DLEU7: variants seen among roughly 807,000 people sequenced by gnomAD.
DLEU7 encodes the protein leukemia-associated protein 7.
A neutral mutation model predicts 16.0 loss-of-function variants in DLEU7; 17 were observed. That is an observed-to-expected ratio of 1.06 (90% CI 0.73 to 1.59). The LOEUF (loss-of-function observed/expected upper bound fraction) is 1.59, where lower values mean the gene tolerates loss of function less well. DLEU7 is among the 40% of genes most tolerant of loss of function. The probability of loss-of-function intolerance (pLI) is 0.00; values close to 1 mark genes in which losing one functional copy is unlikely to be tolerated. For synonymous variants in DLEU7, 113 were observed against 139.8 expected (o/e 0.81, Z 1.35); for missense variants, 308 against 314.9 (o/e 0.98, Z 0.17).
intron 1 of DLEU7, among the ~76,000 whole-genome samples, chr13:50,807,001 C>T (rs1011594476): frequency 7.6e-6 from 1 of 131,212 alleles, no homozygotes; most frequent in Admixed American, 7.8e-5. Flanking sequence ...AAAAAAAAGT[C>T]GGTCTGCTCC....
At chr13:50,770,386 C>T (rs1166792902) in intron 1 of DLEU7, among the ~76,000 whole-genome samples, 1 of 152,276 alleles carries the variant, frequency 6.6e-6, no homozygotes, top group Admixed American at 6.5e-5. Context: ...TTTGCCCATT[C>T]AGTATGATAT....
Position 50,797,564 on chromosome 13 carries a change from T to G in DLEU7, c.459+45624A>C, listed in dbSNP as rs192510973. 1.3e-4 allele frequency among the ~76,000 whole-genome samples: 20 copies of G among 152,326 alleles called. No individual in the cohort carries two copies. In the East Asian group the frequency reaches 2.3e-3, roughly 18 times the overall value. ...GTAGATGTTAGTTTCTTCATTGTAATGTTTGAAAGCATTCTTGTGTTTTGG... is the reference window on the plus strand; with the variant it reads ...GTAGATGTTAGTTTCTTCATTGTAAGGTTTGAAAGCATTCTTGTGTTTTGG... On this transcript the variant is annotated intron_variant, in intron 1 of 1. Transcript: ENST00000400393.
At chr13:50,742,750 G>A (rs1874286330) in intron 1 of DLEU7, among the ~76,000 whole-genome samples, 1 of 152,168 alleles carries the variant, frequency 6.6e-6, no homozygotes, top group Admixed American at 6.5e-5. Context: ...GGGTTAAACA[G>A]TCTTGGTTGT....
intron 1 of DLEU7, among the ~76,000 whole-genome samples, chr13:50,717,691 A>T (rs1480698514): frequency 6.6e-6 from 1 of 152,034 alleles, no homozygotes; most frequent in Non-Finnish European, 1.5e-5. Flanking sequence ...TAATGCCAAG[A>T]CTGAGAATCT....
chr13:50,799,124 CACAA>C (rs1240099536), intron 1 of DLEU7, among the ~76,000 whole-genome samples: 1 of 152,190 alleles, frequency 6.6e-6, no homozygotes, highest in African/African-American at 2.4e-5. Context: ...GTCAGCTAAC[CACAA>C]ACAATGAGCT....
chr13:50,735,294 A>T (rs2812246), intron 1 of DLEU7, among the ~76,000 whole-genome samples: 1 of 152,074 alleles, frequency 6.6e-6, no homozygotes, highest in Non-Finnish European at 1.5e-5. Context: ...ACTATCAACC[A>T]TCTTACCCTA....
At chr13:50,801,724 A>G (rs533395640) in intron 1 of DLEU7, among the ~76,000 whole-genome samples, 49 of 152,258 alleles carry the variant, frequency 3.2e-4, no homozygotes, top group African/African-American at 1.1e-3. Flanking sequence ...TTGTACCACC[A>G]CAAACCACAA....
chr13:50,836,124 C>G (rs964078694), intron 1 of DLEU7, among the ~76,000 whole-genome samples: 1 of 152,248 alleles, frequency 6.6e-6, no homozygotes, highest in African/African-American at 2.4e-5. Flanking sequence ...ACTCACTTAA[C>G]CACCAGCTCT....
chr13:50,776,299 G>A (rs1566247945), intron 1 of DLEU7, among the ~76,000 whole-genome samples: 1 of 152,188 alleles, frequency 6.6e-6, no homozygotes, highest in Non-Finnish European at 1.5e-5. Context: ...CCTTGGTGAA[G>A]GGTACTGCCT....
chr13:50,813,334 T>C (rs570936130), intron 1 of DLEU7, among the ~76,000 whole-genome samples: 2 of 152,184 alleles, frequency 1.3e-5, no homozygotes, highest in African/African-American at 4.8e-5. Context: ...AGATAACTGA[T>C]AGAGGTCTTT....
At chr13:50,755,571 C>G (rs879554626) in intron 1 of DLEU7, among the ~76,000 whole-genome samples, 4 of 151,618 alleles carry the variant, frequency 2.6e-5, no homozygotes, top group Non-Finnish European at 5.9e-5. Flanking sequence ...CTATCTATTT[C>G]CTTTAATATT....
At chr13:50,732,695 A>G (rs1873948181) in intron 1 of DLEU7, among the ~76,000 whole-genome samples, 3 of 151,792 alleles carry the variant, frequency 2.0e-5, no homozygotes, top group Admixed American at 2.0e-4. Context: ...AGGAAAAATG[A>G]TCACACTATG....
intron 1 of DLEU7, among the ~76,000 whole-genome samples, chr13:50,736,490 G>A (rs1874074276): frequency 1.3e-5 from 2 of 151,894 alleles, no homozygotes; most frequent in South Asian, 2.1e-4. Context: ...GCACATATAC[G>A]CAGAACCTAA....
intron 1 of DLEU7, among the ~76,000 whole-genome samples, chr13:50,792,407 A>G (rs1385632678): frequency 6.6e-6 from 1 of 152,162 alleles, no homozygotes; most frequent in Non-Finnish European, 1.5e-5. Flanking sequence ...TCATAAACCC[A>G]AACAAAATGA....
intron 1 of DLEU7, among the ~76,000 whole-genome samples, chr13:50,731,434 C>T (rs112271499): frequency 1.2e-3 from 180 of 152,238 alleles, no homozygotes; most frequent in African/African-American, 3.9e-3. Context: ...AATTGAATAA[C>T]AATAAATATC....
intron 1 of DLEU7, among the ~76,000 whole-genome samples, chr13:50,793,093 A>G (rs1457869157): frequency 6.6e-6 from 1 of 152,040 alleles, no homozygotes; most frequent in Non-Finnish European, 1.5e-5. Context: ...TATGTACCCA[A>G]TGTTTAGCTT....
intron 1 of DLEU7, among the ~76,000 whole-genome samples, chr13:50,735,774 G>A (rs58913569): frequency 0.024 from 3,587 of 152,062 alleles, 144 homozygotes; most frequent in African/African-American, 0.082. Context: ...ATCACCAATC[G>A]TTAGAGAAAC....
At chr13:50,838,315 T>C (rs2137816361) in intron 1 of DLEU7, among the ~76,000 whole-genome samples, 1 of 152,364 alleles carries the variant, frequency 6.6e-6, no homozygotes, top group Non-Finnish European at 1.5e-5. Flanking sequence ...AAAACGTTCT[T>C]CTGCCTCTGA....
intron 1 of DLEU7, among the ~76,000 whole-genome samples, chr13:50,792,633 A>T (rs914675903): frequency 8.0e-5 from 12 of 150,070 alleles, no homozygotes; most frequent in Non-Finnish European, 1.5e-4. Context: ...TAATCAATCA[A>T]ATTTAACTCA....
Sources: gnomAD v4.1 joint callset for allele counts (sites outside exome capture counted in the v4.1 genomes callset) on GRCh38, gnomAD v4.1.1 for gene constraint, MANE v1.5 for transcripts, NCBI Gene and HGNC (gene_info 2026-07-23, HGNC 2026-07-21) for gene names.